Variants in SYNE3 observed in about 807,000 individuals in gnomAD.
The protein encoded by SYNE3 is nesprin-3.
In SYNE3, 100 loss-of-function variants were observed where a neutral mutation model predicts 111.2. That is an observed-to-expected ratio of 0.90 (90% confidence interval 0.77 to 1.06). SYNE3 has a LOEUF of 1.06. Among genes scored for constraint, SYNE3 ranks in the 50% least tolerant of loss-of-function variants. The pLI, the probability that SYNE3 is intolerant of heterozygous loss-of-function variation, is 0.00. For missense variants in SYNE3, 1,160 were observed against 1,240.3 expected, an observed-to-expected ratio of 0.94 and a Z score of 0.97; for synonymous variants, 547 against 533.9, an observed-to-expected ratio of 1.02 and a Z score of -0.34.
At chr14:95,465,042 T>A (rs1245570968) in intron 4 of SYNE3, among the ~76,000 whole-genome samples, 2 of 152,220 alleles carry the variant, frequency 1.3e-5, no homozygotes, top group African/African-American at 4.8e-5. Context: ...TAATTGAACT[T>A]GATAACTCAA....
Position 95,433,376 on chromosome 14 carries a change from G to C in SYNE3, c.2572C>G (p.Leu858Val), listed in dbSNP as rs769804447. 6 of 1,614,058 alleles carry C rather than the reference G, an allele frequency of 3.7e-6. No homozygotes were observed. Among genetic ancestry groups the C allele is most frequent in the Non-Finnish European group, 5.1e-6 (6 of 1,180,014 alleles). Residue 858 changes from leucine (L) to valine (V), a missense_variant, in exon 16 of 18, where the codon CTC becomes GTC. Coordinates refer to ENST00000682763, the MANE Select transcript of SYNE3 (RefSeq NM_152592.6). Reference protein sequence around the residue: ...LEARVPEGQHLFENLLRLGPA... With the variant: ...LEARVPEGQHVFENLLRLGPA... ...CCGAGACGAAGGAGGTTCTCAAAGA[G>C]ATGCTGACCTTCTGGCACCCGAGCC...
intron 17 of SYNE3, among the ~76,000 whole-genome samples, chr14:95,422,852 C>T (rs1463218488): frequency 6.6e-6 from 1 of 152,218 alleles, no homozygotes; most frequent in Non-Finnish European, 1.5e-5. Flanking sequence ...CTGGGTGTCC[C>T]CAAGACTCCC....
In SYNE3 at chr14:95,415,276, G is replaced by GCCCCCCCCCCCCCCCCCCCCCCCCCCC. The variant is rs59220960; in HGVS notation, c.*2549_*2550insGGGGGGGGGGGGGGGGGGGGGGGGGGG. Reference sequence around the variant, plus strand: ...CATAGGAAAGTGGACACCTGGCAAGGCCCCCCCACCCACCCACCCTGCCAC... The same window carrying GCCCCCCCCCCCCCCCCCCCCCCCCCCC: ...CATAGGAAAGTGGACACCTGGCAAGGCCCCCCCCCCCCCCCCCCCCCCCCCCCCCCCCCCACCCACCCACCCTGCCAC... On this transcript the variant is annotated 3_prime_UTR_variant, in exon 18 of 18. Transcript: ENST00000682763. The GCCCCCCCCCCCCCCCCCCCCCCCCCCC allele has an allele frequency of 4.0e-4, 56 of 139,622 alleles. No homozygotes were observed. The highest frequency in any genetic ancestry group is 3.7e-3 in the Middle Eastern group (1 of 270). The allele number at this position is 139,622 out of a possible 1,614,324, so 8.6% of individuals were successfully genotyped here. A position where few individuals can be genotyped will look rare whatever the true frequency, so the allele number is the denominator to read the frequency against.
intron 9 of SYNE3, among the ~76,000 whole-genome samples, chr14:95,445,498 T>C (rs10144421): frequency 0.34 from 52,332 of 152,202 alleles, 9,328 homozygotes; most frequent in South Asian, 0.46. Flanking sequence ...CAACATGCCA[T>C]GCCATGTCAT....
In SYNE3 at chr14:95,454,552, C is replaced by G. The variant is rs546211522; in HGVS notation, c.1137+825G>C. 3.9e-5 allele frequency among the ~76,000 whole-genome samples: 6 copies of G among 152,360 alleles called. No homozygotes were observed. In the East Asian group the frequency reaches 1.2e-3, roughly 29 times the overall value. On this transcript the variant is annotated intron_variant, in intron 6 of 17. Transcript: ENST00000682763. ...AGGCAGACAGTCCTAAAGCAGGGGA[C>G]AGTTCCCTTTGGAGGAAGGTGATAA...
intron 4 of SYNE3, among the ~76,000 whole-genome samples, chr14:95,462,103 A>G (rs907090645): frequency 4.6e-5 from 7 of 152,160 alleles, no homozygotes; most frequent in Non-Finnish European, 1.0e-4. Flanking sequence ...GGATCCACGA[A>G]AGCTCCATCC....
intron 1 of SYNE3, among the ~76,000 whole-genome samples, chr14:95,514,958 G>C (rs915297213): frequency 6.6e-6 from 1 of 152,224 alleles, no homozygotes; most frequent in African/African-American, 2.4e-5. Context: ...CAAAGCACCC[G>C]AGCAGGAGCC....
intron 16 of SYNE3, 22 bp from the exon 17 acceptor site, chr14:95,432,139 G>A: frequency 1.9e-6 from 3 of 1,602,022 alleles, no homozygotes; most frequent in Non-Finnish European, 2.6e-6. Flanking sequence ...GGGAAGGAGA[G>A]GAAAAGGGGG....
At chr14:95,472,515 G>A (rs1272373725) in intron 2 of SYNE3, among the ~76,000 whole-genome samples, 7 of 152,160 alleles carry the variant, frequency 4.6e-5, no homozygotes, top group East Asian at 3.8e-4. Flanking sequence ...AGAAACGATC[G>A]CCTCCATTTC....
At chr14:95,489,976 C>T (rs985621043) in intron 1 of SYNE3, among the ~76,000 whole-genome samples, 2 of 152,164 alleles carry the variant, frequency 1.3e-5, no homozygotes, top group African/African-American at 4.8e-5. Flanking sequence ...ATGGTTCCAG[C>T]GTGGGCTCCA....
intron 1 of SYNE3, among the ~76,000 whole-genome samples, chr14:95,499,513 C>G (rs1890242496): frequency 6.6e-6 from 1 of 152,110 alleles, no homozygotes; most frequent in South Asian, 2.1e-4. Flanking sequence ...TTTGGCATCA[C>G]CACCTCCAGA....
chr14:95,429,432 G>A (rs1000111424), intron 17 of SYNE3, among the ~76,000 whole-genome samples: 1 of 152,188 alleles, frequency 6.6e-6, no homozygotes, highest in African/African-American at 2.4e-5. Flanking sequence ...CCCAGCAGCA[G>A]CATCACCTGG....
chr14:95,417,777 T>C lies in SYNE3; in HGVS notation c.*49A>G, dbSNP rs973327486. 1.9e-6 allele frequency: 3 copies of C among 1,600,340 alleles called. No homozygotes were observed. Among genetic ancestry groups the C allele is most frequent in the Non-Finnish European group, 2.6e-6 (3 of 1,167,518 alleles). ...TGGCGAGCATCCTCAGGAGGGGCCCTGGGACTGATGGAGGTTGGAGGAGAA... is the reference window on the plus strand; with the variant it reads ...TGGCGAGCATCCTCAGGAGGGGCCCCGGGACTGATGGAGGTTGGAGGAGAA... On this transcript the variant is annotated 3_prime_UTR_variant, in exon 18 of 18. Coordinates refer to ENST00000682763, the MANE Select transcript of SYNE3 (RefSeq NM_152592.6).
In SYNE3 at chr14:95,417,985, C is replaced by T. The variant is rs144473753; in HGVS notation, c.2769G>A (p.Ala923=). The T allele has an allele frequency of 8.7e-6, 14 of 1,612,522 alleles. No homozygotes were observed. The highest frequency in any genetic ancestry group is 6.7e-5 in the African/African-American group (5 of 74,864). ...GCTGCAGTGGGAGCGCCACACAGCA[C>T]GCCCTCCGGAAGAGGGAGCCCAGTC... The part of the protein sequence containing the change: ...WRGLGSLFRR[A]CCVALPLQLL... Residue 923 remains alanine (A), a synonymous_variant, in exon 18 of 18, where the codon GCG becomes GCA. Transcript: ENST00000682763.
rs1171506584 is a variant in SYNE3, at chr14:95,462,544, A to C, written c.627+3387T>G. 6.6e-5 allele frequency among the ~76,000 whole-genome samples: 10 copies of C among 151,114 alleles called. No individual in the cohort carries two copies. In the South Asian group the frequency reaches 1.9e-3, roughly 29 times the overall value. ...GAGTCTCCCCCTCACCGCACCCCAAACCTCCCCCATCACCGCTGTCTCCGC... is the reference window on the plus strand; with the variant it reads ...GAGTCTCCCCCTCACCGCACCCCAACCCTCCCCCATCACCGCTGTCTCCGC... On this transcript the variant is annotated intron_variant, in intron 4 of 17. Transcript: ENST00000682763.
intron 1 of SYNE3, among the ~76,000 whole-genome samples, chr14:95,496,127 C>G: frequency 6.6e-6 from 1 of 152,198 alleles, no homozygotes; most frequent in East Asian, 1.9e-4. Context: ...GTCTTCTGAT[C>G]AAGAACTATA....
At chr14:95,474,315 C>G (rs1037541980) in intron 2 of SYNE3, among the ~76,000 whole-genome samples, 6 of 152,232 alleles carry the variant, frequency 3.9e-5, no homozygotes, top group Non-Finnish European at 8.8e-5. Flanking sequence ...CATCATGGGA[C>G]CCACGTTAGG....
rs367682234 is a variant in SYNE3, at chr14:95,469,359, AGTCTCTGCTT to A, written c.145-1402_145-1393del. ...TTTTTCATCCTGAGACAACGATAAC[AGTCTCTGCTT>A]GTCCACCTCCCAGGGTTATAATATT... On this transcript the variant is annotated intron_variant, in intron 2 of 17. Transcript: ENST00000682763. Among the ~76,000 whole-genome samples, 39 of 152,004 alleles carry A rather than the reference AGTCTCTGCTT, an allele frequency of 2.6e-4. No individual in the cohort carries two copies. In the East Asian group the frequency reaches 7.4e-3, roughly 29 times the overall value.
At chr14:95,488,647 T>C (rs1483449961) in intron 1 of SYNE3, among the ~76,000 whole-genome samples, 2 of 111,066 alleles carry the variant, frequency 1.8e-5, no homozygotes, top group African/African-American at 7.1e-5. Flanking sequence ...GGGCAACACA[T>C]GGAGATCCTG....
Sources: allele counts gnomAD v4.1 joint callset (sites outside exome capture counted in the v4.1 genomes callset), GRCh38; gene constraint gnomAD v4.1.1; transcripts MANE v1.5; gene names NCBI Gene and HGNC (gene_info 2026-07-23, HGNC 2026-07-21).